The following HOMER3 variants were observed in gnomAD, a reference collection of about 807,000 sequenced individuals.
The protein encoded by HOMER3 is homer protein homolog 3.
Under a neutral mutation model 45.5 loss-of-function variants are expected in HOMER3, and 34 were observed. The observed-to-expected ratio is 0.75, with a 90% CI of 0.57 to 1.00. HOMER3 has a LOEUF of 1.00. HOMER3 is among the 50% of genes least tolerant of loss of function. The pLI is 0.00. For synonymous variants in HOMER3, 223 were observed against 208.8 expected, an observed-to-expected ratio of 1.07 and a Z score of -0.58; for missense variants, 480 against 497.5, an observed-to-expected ratio of 0.96 and a Z score of 0.33.
At chr19:18,936,721 G>T (rs1046074044) in intron 4 of HOMER3, among the ~76,000 whole-genome samples, 14 of 151,884 alleles carry the variant, frequency 9.2e-5, no homozygotes, top group Non-Finnish European at 1.3e-4. Flanking sequence ...CGGGCGCGGT[G>T]GCTCACACCT....
rs1403771779 is a variant in HOMER3 at position 18,929,443 on chromosome 19, T to A, written c.1086A>T (p.Ter362CysextTer7). The stretch of plus-strand genomic sequence containing the variant: ...TCGTTCATAGAAAACCAGCCCCGGC[T>A]CAGGGCGCAGCCTCAGCCAGGCGGG... ...GLARLAEAAP[*>C] Residue 362 changes from the stop codon to cysteine, a stop_lost, in exon 10 of 10, where the codon TGA (stop) becomes TGT (cysteine). Transcript: ENST00000392351. The A allele has an allele frequency of 6.3e-7, 1 of 1,589,146 alleles. No individual in the cohort carries two copies. The highest frequency in any genetic ancestry group is 8.5e-7 in the Non-Finnish European group (1 of 1,172,282).
At position 18,931,927 on chromosome 19, in the gene HOMER3, C is replaced by T. The variant is rs767834321; in HGVS notation, c.690+49G>A. 1.6e-5 allele frequency: 23 copies of T among 1,478,442 alleles called. No individual in the cohort carries two copies. The Admixed American group carries it at 5.4e-4, about 35-fold the overall frequency. 91.6% of individuals were successfully genotyped at this position (1,478,442 alleles called of 1,614,324 possible). A position where few individuals can be genotyped will look rare whatever the true frequency, so the allele number is the denominator to read the frequency against. On this transcript the variant is annotated intron_variant, in intron 7 of 9. Coordinates refer to ENST00000392351, the MANE Select transcript of HOMER3 (RefSeq NM_004838.4). ...GGGAACTGCCGAGGCGCGGTCTCCA[C>T]AGTTGCCCGGGCCAGGTGGGGGTCT...
chr19:18,939,264 A>G, intron 1 of HOMER3: 1 of 416,996 alleles, frequency 2.4e-6, no homozygotes, highest in South Asian at 6.0e-5. Context: ...ACATGGCGAG[A>G]CCCCATCTCT....
rs1466705808 is a variant in HOMER3 at position 18,938,383 on chromosome 19, C to G, written c.273G>C (p.Leu91=). 6.2e-7 allele frequency: 1 copy of G among 1,613,458 alleles called. No individual in the cohort carries two copies. The highest frequency in any genetic ancestry group is 1.1e-5 in the South Asian group (1 of 91,076). The change falls in exon 4 of 10, where the codon CTG becomes CTC. Residue 91 remains leucine (L), a synonymous_variant. Transcript: ENST00000392351. ...TCAGATGCTGTTCAGAGGCAAAGCC[C>G]AGGCCGTAGACTGTGTTGGCGCGAC... ...ADSRANTVYG[L]GFASEQHLTQ...
intron 4 of HOMER3, among the ~76,000 whole-genome samples, chr19:18,935,274 G>C (rs980957189): frequency 2.0e-5 from 3 of 151,674 alleles, no homozygotes; most frequent in South Asian, 2.1e-4. Flanking sequence ...CGAGTAGCTA[G>C]GACTACAGGC....
chr19:18,933,817 G>C (rs2145125071), intron 5 of HOMER3, among the ~76,000 whole-genome samples: 1 of 152,070 alleles, frequency 6.6e-6, no homozygotes, highest in East Asian at 1.9e-4. Flanking sequence ...CGATTCTCCT[G>C]CCTCAGCCTC....
Position 18,933,022 on chromosome 19 carries a change from A to G in HOMER3, c.435T>C (p.Ser145=). ...SHQVPPSPLV[S]ANGPGEEKLF... ...GTTTTTCCTCGCCGGGGCCGTTGGC[A>G]CTGACGAGAGGGCTCGGGGGCACCT... is the stretch of plus-strand genomic sequence containing the variant. The change falls in exon 6 of 10, where the codon AGT becomes AGC. Residue 145 remains serine, a synonymous_variant. Transcript: ENST00000392351. 6.7e-7 allele frequency: 1 copy of G among 1,489,772 alleles called. No individual in the cohort carries two copies. 92.3% of individuals were successfully genotyped at this position (1,489,772 alleles called of 1,614,324 possible).
At chr19:18,931,442 CG>C (rs975913594) in intron 8 of HOMER3, 31 bp from the exon 9 acceptor site, 1 of 1,612,844 alleles carries the variant, frequency 6.2e-7, no homozygotes. Context: ...GGGTCTGTTG[CG>C]GGGGTCCTGG....
rs1281204977 is a variant in HOMER3, at chr19:18,931,984, G to A, written c.682C>T (p.Arg228Trp). The A allele has an allele frequency of 3.3e-6, 5 of 1,529,152 alleles. No homozygotes were observed. In the Admixed American group the frequency reaches 8.2e-5, roughly 25 times the overall value. The allele number at this position is 1,529,152 out of a possible 1,614,324, so 94.7% of individuals were successfully genotyped here. A position where few individuals can be genotyped will look rare whatever the true frequency, so the allele number is the denominator to read the frequency against. The change falls in exon 7 of 10, where the codon CGG becomes TGG. Residue 228 changes from arginine (R) to tryptophan (W), a missense_variant. Transcript: ENST00000392351. ...GGGAGGGGTGCCCTCACCCGCTGCC[G>A]CAGCCGCTCGGCCTCTGCACGCTGA... ...EAQRAEAERLRQRVAELEAQA... is the reference protein window; with the variant it reads ...EAQRAEAERLWQRVAELEAQA...
At chr19:18,930,089 A>C (rs2057014323) in intron 9 of HOMER3, among the ~76,000 whole-genome samples, 1 of 151,836 alleles carries the variant, frequency 6.6e-6, no homozygotes, top group Non-Finnish European at 1.5e-5. Context: ...ATCTCTACTA[A>C]AAATACAAAA....
intron 1 of HOMER3, 51 bp from the exon 2 acceptor site, chr19:18,939,100 G>A: frequency 9.5e-6 from 10 of 1,048,166 alleles, no homozygotes; most frequent in Non-Finnish European, 1.2e-5. Flanking sequence ...GCTGAGGGAG[G>A]CCAAGCAGGT....
chr19:18,938,384 A>G lies in HOMER3; in HGVS notation c.272T>C (p.Leu91Pro), dbSNP rs777911960. 3 of 1,613,464 alleles carry G rather than the reference A, an allele frequency of 1.9e-6. No homozygotes were observed. The highest frequency in any genetic ancestry group is 2.5e-6 in the Non-Finnish European group (3 of 1,179,446). The change falls in exon 4 of 10, where the codon CTG becomes CCG. Residue 91 changes from leucine (L) to proline (P), a missense_variant. Physicochemically the swap from Leu to Pro is moderately conservative, Grantham distance 98 (BLOSUM62 -3). Coordinates refer to ENST00000392351, the MANE Select transcript of HOMER3 (RefSeq NM_004838.4). ...ADSRANTVYG[L>P]GFASEQHLTQ... ...CAGATGCTGTTCAGAGGCAAAGCCC[A>G]GGCCGTAGACTGTGTTGGCGCGACT...
chr19:18,930,391 A>G (rs1263916343), intron 9 of HOMER3, among the ~76,000 whole-genome samples: 1 of 149,694 alleles, frequency 6.7e-6, no homozygotes, highest in Non-Finnish European at 1.5e-5. Context: ...ACCAAAAAAT[A>G]CAAAAAATTA....
At position 18,938,495 on chromosome 19, in the gene HOMER3, G is replaced by T. The variant is rs756220470; in HGVS notation, c.172-11C>A. On this transcript the variant is annotated splice_polypyrimidine_tract_variant and intron_variant, in intron 3 of 9. Coordinates refer to ENST00000392351, the MANE Select transcript of HOMER3 (RefSeq NM_004838.4). Reference sequence around the variant, plus strand: ...GCTGTTGATGATGGCCTAGGGTCGGGGAACAAAGTTCAAGGTAGATGGGAC... The same window carrying T: ...GCTGTTGATGATGGCCTAGGGTCGGTGAACAAAGTTCAAGGTAGATGGGAC... 3 of 1,610,590 alleles carry T rather than the reference G, an allele frequency of 1.9e-6. No homozygotes were observed. The South Asian group carries it at 3.3e-5, about 18-fold the overall frequency.
chr19:18,933,112 GT>G lies in HOMER3; in HGVS notation c.412-68del, dbSNP rs1408325880. 3.6e-6 allele frequency: 5 copies of G among 1,406,742 alleles called. No homozygotes were observed. The African/African-American group carries it at 6.0e-5, about 17-fold the overall frequency. The allele number at this position is 1,406,742 out of a possible 1,614,324, so 87.1% of individuals were successfully genotyped here. A position where few individuals can be genotyped will look rare whatever the true frequency, so the allele number is the denominator to read the frequency against. On this transcript the variant is annotated intron_variant, in intron 5 of 9. Coordinates refer to ENST00000392351, the MANE Select transcript of HOMER3 (RefSeq NM_004838.4). ...TGGGATCAAGGCTGATGTGACTGGG[GT>G]CGTCACATCGGGGGTGCAATTGACC...
chr19:18,929,663 G>A lies in HOMER3; in HGVS notation c.895-29C>T, dbSNP rs143350913. 249 of 1,471,332 alleles carry A rather than the reference G, an allele frequency of 1.7e-4. No individual in the cohort carries two copies. The African/African-American group carries it at 1.9e-3, about 11-fold the overall frequency. 91.1% of individuals were successfully genotyped at this position (1,471,332 alleles called of 1,614,324 possible). A position where few individuals can be genotyped will look rare whatever the true frequency, so the allele number is the denominator to read the frequency against. Reference sequence around the variant, plus strand: ...CCAGGAAAGGGTGGGCAGGGTTGGGGGCCCCAACAAATCACCAGTCCTGCC... The same window carrying A: ...CCAGGAAAGGGTGGGCAGGGTTGGGAGCCCCAACAAATCACCAGTCCTGCC... On this transcript the variant is annotated intron_variant, in intron 9 of 9. Coordinates refer to ENST00000392351, the MANE Select transcript of HOMER3 (RefSeq NM_004838.4).
At chr19:18,936,524 A>G (rs2057094858) in intron 4 of HOMER3, among the ~76,000 whole-genome samples, 1 of 151,780 alleles carries the variant, frequency 6.6e-6, no homozygotes, top group South Asian at 2.1e-4. Flanking sequence ...TACAAAAATT[A>G]GCCAGGTGTG....
chr19:18,938,706 C>A, intron 3 of HOMER3, 22 bp downstream of exon 3: 1 of 1,559,106 alleles, frequency 6.4e-7, no homozygotes, highest in South Asian at 1.2e-5. Context: ...GTGCCTCTGC[C>A]CCACCCAGAC....
intron 1 of HOMER3, 98 bp from the exon 2 acceptor site, chr19:18,939,147 G>T: frequency 1.5e-6 from 1 of 655,664 alleles, no homozygotes; most frequent in Non-Finnish European, 2.5e-6. Flanking sequence ...TGCCCGTCAT[G>T]GAACTTTCAA....
Sources: gnomAD v4.1 joint callset for allele counts (sites outside exome capture counted in the v4.1 genomes callset) on GRCh38, gnomAD v4.1.1 for gene constraint, MANE v1.5 for transcripts, NCBI Gene and HGNC (gene_info 2026-07-23, HGNC 2026-07-21) for gene names.